The following COL16A1 variants were observed in gnomAD, a reference collection of about 807,000 sequenced individuals.
The protein encoded by COL16A1 is collagen type XVI alpha 1 chain.
COL16A1 carries 189 observed loss-of-function variants against 266.3 expected under a neutral mutation model. That is an observed-to-expected ratio of 0.71 (90% CI 0.63 to 0.80). The LOEUF (loss-of-function observed/expected upper bound fraction) is 0.80, where lower values mean the gene tolerates loss of function less well. Ranked by LOEUF, COL16A1 falls within the 30% of genes least tolerant of loss-of-function variation. The pLI, the probability that COL16A1 is intolerant of heterozygous loss-of-function variation, is 0.00. For missense variants in COL16A1, 1,928 were observed against 2,122.4 expected (o/e 0.91, Z 1.80); for synonymous variants, 740 against 782.3 (o/e 0.95, Z 0.90).
At chr1:31,703,728 G>T (rs1557707582) in intron 1 of COL16A1, 109 bp downstream of exon 1, 1 of 152,344 alleles carries the variant, frequency 6.6e-6, no homozygotes, top group Admixed American at 6.5e-5. Flanking sequence ...TAGAGAAGAC[G>T]ACCAAGGCCC....
chr1:31,698,239 C>A lies in COL16A1; in HGVS notation c.391-67G>T. On this transcript the variant is annotated intron_variant, in intron 5 of 70. Coordinates refer to ENST00000373672, the MANE Select transcript of COL16A1 (RefSeq NM_001856.4). This position sits in a 1 kb window ranked among gnomAD's most constrained non-coding sequence, Gnocchi z 4.1. Reference sequence around the variant, plus strand: ...TCCAGAGTCACACCATGGGCACGTTCAGGGACCTTGAACTCATTTCACAGG... The same window carrying A: ...TCCAGAGTCACACCATGGGCACGTTAAGGGACCTTGAACTCATTTCACAGG... The A allele has an allele frequency of 6.3e-7, 1 of 1,590,854 alleles. No homozygotes were observed. Among genetic ancestry groups the A allele is most frequent in the South Asian group, 1.2e-5 (1 of 86,490 alleles).
chr1:31,701,879 G>A (rs1168997416), intron 2 of COL16A1, among the ~76,000 whole-genome samples: 3 of 152,116 alleles, frequency 2.0e-5, no homozygotes, highest in Admixed American at 2.0e-4. Context: ...GCCAGTCTGA[G>A]AGACAAACAC....
Position 31,691,484 on chromosome 1 carries a change from C to T in COL16A1, c.1331G>A (p.Gly444Glu). 6.2e-7 allele frequency: 1 copy of T among 1,613,542 alleles called. No homozygotes were observed. Among genetic ancestry groups the T allele is most frequent in the Non-Finnish European group, 8.5e-7 (1 of 1,179,664 alleles). Reference protein sequence around the residue: ...KGDPGFVGPEGLAGEPGPPGL... With the variant: ...KGDPGFVGPEELAGEPGPPGL... ...GGGGGGCCCAGGCTCTCCTGCCAGC[C>T]CCTCAGGCCCAACAAAGCCAGGGTC... The change falls in exon 19 of 71, where the codon GGG (glycine) becomes GAG (glutamate). Residue 444 changes from glycine to glutamate, a missense_variant. Gly to Glu is a moderately conservative substitution (Grantham distance 98). Around this residue, in one of 2 missense-constraint regions of COL16A1, gnomAD observed 1,552 missense variants for 1,637.2 expected, o/e 0.95. Transcript: ENST00000373672.
intron 23 of COL16A1, chr1:31,689,343 A>T: frequency 1.6e-6 from 1 of 613,182 alleles, no homozygotes; most frequent in Non-Finnish European, 2.8e-6. Context: ...TTTTTGTCTG[A>T]CAGCTCCCAG....
At chr1:31,687,771 T>C (rs1644064580) in intron 26 of COL16A1, among the ~76,000 whole-genome samples, 1 of 152,146 alleles carries the variant, frequency 6.6e-6, no homozygotes, top group African/African-American at 2.4e-5. Flanking sequence ...CCACATGTGA[T>C]GTGACATGTG....
chr1:31,693,010 G>C, intron 13 of COL16A1, 82 bp downstream of exon 13: 2 of 1,045,002 alleles, frequency 1.9e-6, no homozygotes, highest in Admixed American at 3.8e-5. Context: ...CTGCCGGGAT[G>C]ATGGGATGAT....
intron 44 of COL16A1, 24 bp from the exon 45 acceptor site, chr1:31,672,864 G>A (rs764349000): frequency 8.1e-6 from 13 of 1,609,590 alleles, no homozygotes; most frequent in Admixed American, 1.7e-5. Context: ...GGGGAGAGGA[G>A]TGGGGCCTGG....
At position 31,655,504 on chromosome 1, in the gene COL16A1, T is replaced by C; in HGVS notation, c.4102-2A>G. On this transcript the variant is annotated splice_acceptor_variant, in intron 66 of 70. Transcript: ENST00000373672. LOFTEE classifies it high-confidence loss of function. ...CTGTCCTGCAGCTCCTGGATCACCC[T>C]ACAAAGATAGATACTTAGTGCTGTC... 6.2e-7 allele frequency: 1 copy of C among 1,613,704 alleles called. No homozygotes were observed. Among genetic ancestry groups the C allele is most frequent in the Admixed American group, 1.7e-5 (1 of 59,962 alleles).
At chr1:31,701,806 G>T (rs900170770) in intron 2 of COL16A1, among the ~76,000 whole-genome samples, 1 of 152,150 alleles carries the variant, frequency 6.6e-6, no homozygotes, top group Non-Finnish European at 1.5e-5. Context: ...ATTGGCTTAC[G>T]TATTGGGGTG....
rs1374183315 is a variant in COL16A1 at position 31,698,086 on chromosome 1, T to G, written c.477A>C (p.Pro159=). ...AACGCAAGTCGAAGAGCTGGGGCAC[T>G]GGGAAGATGCAGGACACAAAGTCGC... ...QDGDFVSCIF[P]VPQLFDLRWH... Residue 159 remains proline, a synonymous_variant, in exon 6 of 71, where the codon CCA becomes CCC. Transcript: ENST00000373672. The surrounding 1 kb of genome is among the most constrained non-coding windows in gnomAD (Gnocchi z 4.1). 1.2e-6 allele frequency: 2 copies of G among 1,613,858 alleles called. No homozygotes were observed. The highest frequency in any genetic ancestry group is 1.7e-6 in the Non-Finnish European group (2 of 1,180,038).
chr1:31,698,304 G>A lies in COL16A1; in HGVS notation c.391-132C>T. The A allele has an allele frequency of 1.3e-6, 2 of 1,536,644 alleles. No homozygotes were observed. The highest frequency in any genetic ancestry group is 1.7e-6 in the Non-Finnish European group (2 of 1,144,394). ...CCAGAAAGAGAAGAAAGCCGGCTGG[G>A]GTCAAGGAGCTATACATCCTGAAAG... On this transcript the variant is annotated intron_variant, in intron 5 of 70. Coordinates refer to ENST00000373672, the MANE Select transcript of COL16A1 (RefSeq NM_001856.4). The surrounding 1 kb of genome is among the most constrained non-coding windows in gnomAD (Gnocchi z 4.1).
intron 8 of COL16A1, among the ~76,000 whole-genome samples, chr1:31,696,523 C>T (rs2148824087): frequency 6.6e-6 from 1 of 152,352 alleles, no homozygotes; most frequent in East Asian, 1.9e-4. Context: ...GGCCATGGTG[C>T]TGGGTGTAAA....
At chr1:31,692,856 C>T (rs1283941653) in intron 13 of COL16A1, 48 bp from the exon 14 acceptor site, 1 of 1,556,042 alleles carries the variant, frequency 6.4e-7, no homozygotes, top group East Asian at 2.2e-5. Context: ...CTGGGGAAGT[C>T]CCCTAGATGT....
Position 31,656,560 on chromosome 1 carries a change from C to T in COL16A1, c.4057-116G>A. ...GCCTGAGGCCCCCAGGTGTGTCCAG[C>T]CCAGCTCTGTGTGAGAAAGGAGCGC... is the stretch of plus-strand genomic sequence containing the variant. On this transcript the variant is annotated intron_variant, in intron 65 of 70. Transcript: ENST00000373672. This position sits in a 1 kb window ranked among gnomAD's most constrained non-coding sequence, Gnocchi z 4.2. The T allele has an allele frequency of 6.8e-7, 1 of 1,481,374 alleles. No individual in the cohort carries two copies. The highest frequency in any genetic ancestry group is 9.0e-7 in the Non-Finnish European group (1 of 1,108,940). 91.8% of individuals were successfully genotyped at this position (1,481,374 alleles called of 1,614,324 possible). A position where few individuals can be genotyped will look rare whatever the true frequency, so the allele number is the denominator to read the frequency against.
intron 23 of COL16A1, chr1:31,689,490 CA>C: frequency 5.2e-6 from 3 of 572,500 alleles, no homozygotes; most frequent in East Asian, 2.9e-5. Context: ...CCAGCTTGCC[CA>C]AAAGGCACCC....
At chr1:31,662,694 A>G in intron 56 of COL16A1, 36 bp from the exon 57 acceptor site, 4 of 1,016,812 alleles carry the variant, frequency 3.9e-6, no homozygotes, top group Non-Finnish European at 5.2e-6. Flanking sequence ...CCCGCCCCAC[A>G]ATAAAGTCAG....
intron 27 of COL16A1, 38 bp from the exon 28 acceptor site, chr1:31,686,173 G>T (rs750996719): frequency 6.2e-7 from 1 of 1,614,126 alleles, no homozygotes; most frequent in South Asian, 1.1e-5. Flanking sequence ...CCCAGCATCT[G>T]CCAGGGCCAT....
In COL16A1 at chr1:31,698,071, G is replaced by A. The variant is rs779139940; in HGVS notation, c.492C>T (p.Phe164=). ...GCATCAGCTTGTGCCAACGCAAGTC[G>A]AAGAGCTGGGGCACTGGGAAGATGC... ...VSCIFPVPQL[F]DLRWHKLMLS... is the part of the protein sequence containing the mutation. Residue 164 remains phenylalanine, a synonymous_variant, in exon 6 of 71, where the codon TTC becomes TTT. Transcript: ENST00000373672. The surrounding 1 kb of genome is among the most constrained non-coding windows in gnomAD (Gnocchi z 4.1). 2.2e-5 allele frequency: 36 copies of A among 1,613,996 alleles called. No individual in the cohort carries two copies. The highest frequency in any genetic ancestry group is 4.0e-5 in the African/African-American group (3 of 75,064).
intron 2 of COL16A1, chr1:31,701,390 G>A (rs1644719159): frequency 2.0e-6 from 2 of 985,394 alleles, no homozygotes; most frequent in Non-Finnish European, 2.4e-6. Context: ...CACTCACCCT[G>A]GGTCCACAAT....
Sources: gnomAD v4.1 joint callset for allele counts (sites outside exome capture counted in the v4.1 genomes callset) on GRCh38, gnomAD v4.1.1 for gene constraint, gnomAD v4.1.1 regional missense constraint, Gnocchi (gnomAD v3.1) non-coding constraint, MANE v1.5 for transcripts, NCBI Gene and HGNC (gene_info 2026-07-23, HGNC 2026-07-21) for gene names.